DUSP10: variants seen among roughly 807,000 people sequenced by gnomAD.
DUSP10 encodes the protein dual specificity protein phosphatase 10.
DUSP10 carries 14 observed loss-of-function variants against 30.8 expected under a neutral mutation model. That is an observed-to-expected ratio of 0.46 (90% CI 0.30 to 0.71). The LOEUF is 0.71. Ranked by LOEUF, DUSP10 falls within the 30% of genes least tolerant of loss-of-function variation. The probability of loss-of-function intolerance (pLI) is 0.08; values close to 1 mark genes in which losing one functional copy is unlikely to be tolerated. For missense variants in DUSP10, 550 were observed against 619.4 expected (o/e 0.89, Z 1.19); for synonymous variants, 254 against 250.4 (o/e 1.01, Z -0.14).
At chr1:221,731,992 C>T (rs951882339) in intron 2 of DUSP10, among the ~76,000 whole-genome samples, 1 of 152,042 alleles carries the variant, frequency 6.6e-6, no homozygotes, top group Non-Finnish European at 1.5e-5. Context: ...TGAAACACTC[C>T]CTAAATAAGA....
intron 2 of DUSP10, among the ~76,000 whole-genome samples, chr1:221,724,440 A>G (rs1325352086): frequency 6.6e-6 from 1 of 152,202 alleles, no homozygotes; most frequent in Non-Finnish European, 1.5e-5. Flanking sequence ...TCATTTCAAG[A>G]GTCAATATTA....
intron 2 of DUSP10, among the ~76,000 whole-genome samples, chr1:221,731,635 A>G (rs2102647540): frequency 7.7e-6 from 1 of 129,732 alleles, no homozygotes; most frequent in East Asian, 2.1e-4. Flanking sequence ...TTTTTGCGAC[A>G]GAGTCTCACT....
At position 221,739,723 on chromosome 1, in the gene DUSP10, C is replaced by T. The variant is rs771011005; in HGVS notation, c.22G>A (p.Asp8Asn). The change falls in exon 2 of 4, where the codon GAC becomes AAC. Residue 8 changes from aspartate (D) to asparagine (N), a missense_variant. Asp to Asn is a conservative substitution (Grantham distance 23). Coordinates refer to ENST00000366899, the MANE Select transcript of DUSP10 (RefSeq NM_007207.6). MPPSPLD[D>N]RVVVALSRPV... ...CTAGATAGTGCCACTACTACCCTGT[C>T]GTCTAAAGGAGACGGAGGCATGAGG... is the stretch of plus-strand genomic sequence containing the variant. 110 of 1,600,148 alleles carry T rather than the reference C, an allele frequency of 6.9e-5. No homozygotes were observed. Among genetic ancestry groups the T allele is most frequent in the South Asian group, 5.3e-4 (48 of 89,828 alleles).
intron 2 of DUSP10, among the ~76,000 whole-genome samples, chr1:221,723,998 G>A (rs566930553): frequency 5.9e-5 from 9 of 152,256 alleles, no homozygotes; most frequent in South Asian, 4.1e-4. Flanking sequence ...CTGAGTCATC[G>A]CATTAACATA....
At chr1:221,730,399 G>T (rs1399332086) in intron 2 of DUSP10, among the ~76,000 whole-genome samples, 1 of 152,146 alleles carries the variant, frequency 6.6e-6, no homozygotes, top group Non-Finnish European at 1.5e-5. Context: ...CTTGATGTGT[G>T]CAATGGACAA....
rs1661873841 is a variant in DUSP10 at position 221,739,220 on chromosome 1, AATG to A, written c.522_524del (p.Ile175del). ...TGTACTCCATGAAGGGCCTGCAGTC[AATG>A]ATGACAGGGCCCTGACTCGGCAGGT... is the stretch of plus-strand genomic sequence containing the variant. On this transcript the variant is annotated inframe_deletion, in exon 2 of 4. Coordinates refer to ENST00000366899, the MANE Select transcript of DUSP10 (RefSeq NM_007207.6). 1 of 1,614,066 alleles carries A rather than the reference AATG, an allele frequency of 6.2e-7. No individual in the cohort carries two copies. The highest frequency in any genetic ancestry group is 1.3e-5 in the African/African-American group (1 of 74,916).
At chr1:221,727,591 C>A (rs889214785) in intron 2 of DUSP10, among the ~76,000 whole-genome samples, 1 of 152,140 alleles carries the variant, frequency 6.6e-6, no homozygotes, top group Admixed American at 6.5e-5. Flanking sequence ...GCTTGCTGTG[C>A]AATGGACTAT....
At chr1:221,715,168 T>A (rs1287116329) in intron 2 of DUSP10, among the ~76,000 whole-genome samples, 3 of 152,214 alleles carry the variant, frequency 2.0e-5, no homozygotes, top group Non-Finnish European at 2.9e-5. Flanking sequence ...GGAAGAATTT[T>A]AAAAAATTAT....
intron 2 of DUSP10, among the ~76,000 whole-genome samples, chr1:221,723,914 C>T (rs1321061954): frequency 6.6e-6 from 1 of 152,196 alleles, no homozygotes; most frequent in Non-Finnish European, 1.5e-5. Flanking sequence ...CTCTCTTCTG[C>T]TGAAGAAGAT....
At chr1:221,722,605 G>GTTT (rs1661308856) in intron 2 of DUSP10, among the ~76,000 whole-genome samples, 2 of 152,224 alleles carry the variant, frequency 1.3e-5, no homozygotes, top group African/African-American at 4.8e-5. Context: ...TTTATTCCTA[G>GTTT]TTTTCACTGG....
Position 221,706,195 on chromosome 1 carries a change from G to A in DUSP10, c.1083C>T (p.Tyr361=), listed in dbSNP as rs770288325. The change falls in exon 3 of 4, where the codon TAC becomes TAT. Residue 361 remains tyrosine, a synonymous_variant. Transcript: ENST00000366899. The surrounding 1 kb of genome is among the most constrained non-coding windows in gnomAD (Gnocchi z 4.6). ...AGTTGAACAGGCCTTTCTCATAGTG[G>A]TAGAGGGGAAGATGAGTGGTGACGT... ...VINVTTHLPL[Y]HYEKGLFNYK... The A allele has an allele frequency of 8.1e-6, 13 of 1,614,046 alleles. No individual in the cohort carries two copies. The highest frequency in any genetic ancestry group is 2.2e-5 in the East Asian group (1 of 44,878).
chr1:221,729,026 T>C (rs1034342698), intron 2 of DUSP10, among the ~76,000 whole-genome samples: 3 of 152,202 alleles, frequency 2.0e-5, no homozygotes, highest in African/African-American at 7.2e-5. Flanking sequence ...GACAAGTGCC[T>C]GAACCTCTCC....
In DUSP10 at chr1:221,721,246, A is replaced by C. The variant is rs889698794; in HGVS notation, c.812-14780T>G. ...TCATTGAACACTGGAATGAGATGAG[A>C]TAGGACCAGTTTATTGTAAAGCATC... On this transcript the variant is annotated intron_variant, in intron 2 of 3. Transcript: ENST00000366899. Among the ~76,000 whole-genome samples the C allele has an allele frequency of 2.6e-5, 4 of 152,360 alleles. No individual in the cohort carries two copies. In the South Asian group the frequency reaches 8.3e-4, roughly 32 times the overall value.
intron 1 of DUSP10, 85 bp downstream of exon 1, chr1:221,741,896 C>G (rs1273082688): frequency 6.6e-6 from 1 of 152,412 alleles, no homozygotes; most frequent in African/African-American, 2.4e-5. Flanking sequence ...CAAACACACA[C>G]ACTCACACTC....
chr1:221,739,439 G>A lies in DUSP10; in HGVS notation c.306C>T (p.Thr102=). Residue 102 remains threonine (T), a synonymous_variant, in exon 2 of 4, where the codon ACC becomes ACT. Transcript: ENST00000366899. ...AQTQAIAAGT[T]TTAIGTSTTC... ...TGGTAGAGGTTCCGATGGCAGTGGT[G>A]GTGGTGCCAGCGGCAATGGCTTGGG... 1.2e-6 allele frequency: 2 copies of A among 1,614,216 alleles called. No individual in the cohort carries two copies. The highest frequency in any genetic ancestry group is 1.7e-6 in the Non-Finnish European group (2 of 1,180,042).
In DUSP10 at chr1:221,702,552, A is replaced by G. The variant is rs748948279; in HGVS notation, c.1309T>C (p.Phe437Leu). The change falls in exon 4 of 4, where the codon TTT (phenylalanine) becomes CTT (leucine). Residue 437 changes from phenylalanine (F) to leucine (L), a missense_variant. Physicochemically the swap from Phe to Leu is conservative, Grantham distance 22. Coordinates refer to ENST00000366899, the MANE Select transcript of DUSP10 (RefSeq NM_007207.6). The surrounding 1 kb of genome is among the most constrained non-coding windows in gnomAD (Gnocchi z 4.5). The stretch of plus-strand genomic sequence containing the variant: ...ATAATTGGTCGTTTGCCTTTGACAA[A>G]TTTATAAGCATCAGTCATGGTCATC... ...TRMTMTDAYK[F>L]VKGKRPIISP... The G allele has an allele frequency of 1.9e-6, 3 of 1,614,172 alleles. No individual in the cohort carries two copies. The Admixed American group carries it at 5.0e-5, about 27-fold the overall frequency.
intron 1 of DUSP10, 45 bp from the exon 2 acceptor site, chr1:221,739,832 C>A: frequency 2.0e-6 from 3 of 1,471,066 alleles, no homozygotes; most frequent in Non-Finnish European, 2.7e-6. Flanking sequence ...AGTCACGTGA[C>A]ACAAAAGGCA....
intron 1 of DUSP10, among the ~76,000 whole-genome samples, chr1:221,740,611 C>T (rs1661925218): frequency 6.6e-6 from 1 of 152,212 alleles, no homozygotes. Flanking sequence ...CTGGAAAGGA[C>T]AACTTGGGCT....
chr1:221,712,757 G>A (rs896317327), intron 2 of DUSP10, among the ~76,000 whole-genome samples: 5 of 107,514 alleles, frequency 4.7e-5, no homozygotes, highest in Non-Finnish European at 8.7e-5. Flanking sequence ...AGAAAAGACA[G>A]TGGATGATAT....
Sources: gnomAD v4.1 joint callset for allele counts (sites outside exome capture counted in the v4.1 genomes callset) on GRCh38, gnomAD v4.1.1 for gene constraint, Gnocchi (gnomAD v3.1) non-coding constraint, MANE v1.5 for transcripts, NCBI Gene and HGNC (gene_info 2026-07-23, HGNC 2026-07-21) for gene names.